Variants in NR2F2 observed in about 807,000 individuals in gnomAD.
NR2F2 encodes nuclear receptor subfamily 2 group F member 2, also known as COUP transcription factor 2.
Under a neutral mutation model 34.8 loss-of-function variants are expected in NR2F2, and 2 were observed. The ratio of observed to expected loss-of-function variants is 0.06; its 90% confidence interval spans 0.02 to 0.18. NR2F2 has a LOEUF of 0.18. Among genes scored for constraint, NR2F2 ranks in the 10% least tolerant of loss-of-function variants. The pLI is 1.00. For synonymous variants in NR2F2, 274 were observed against 251.8 expected (o/e 1.09, Z -0.84); for missense variants, 300 against 580.1 (o/e 0.52, Z 4.96).
chr15:96,328,309 C>T (rs956649564), upstream of NR2F2, among the ~76,000 whole-genome samples: 4 of 152,164 alleles, frequency 2.6e-5, no homozygotes, highest in African/African-American at 9.7e-5. Flanking sequence ...CTTCAAATTC[C>T]AAAAATCTCT....
Position 96,339,017 on chromosome 15 carries a change from G to A in NR2F2, c.*1395G>A, listed in dbSNP as rs1258305649. ...AGCTGAAGTTAATGGTTTATCTATG[G>A]TTTAGGAAGTGCCATACTGATATAG... On this transcript the variant is annotated 3_prime_UTR_variant, in exon 3 of 3. Coordinates refer to ENST00000394166, the MANE Select transcript of NR2F2 (RefSeq NM_021005.4). The A allele has an allele frequency of 6.6e-6, 1 of 151,292 alleles. No homozygotes were observed. The allele number at this position is 151,292 out of a possible 1,614,324, so 9.4% of individuals were successfully genotyped here. A position where few individuals can be genotyped will look rare whatever the true frequency, so the allele number is the denominator to read the frequency against.
In NR2F2 at chr15:96,338,895, T is replaced by TGG. The variant is rs199747859; in HGVS notation, c.*1281_*1282dup. ...GCTTAGCTGGCCGGGCGGGGGGTGG[T>TGG]GGGGGGGGGCATTTGTTTACTCCCC... On this transcript the variant is annotated 3_prime_UTR_variant, in exon 3 of 3. Transcript: ENST00000394166. The TGG allele has an allele frequency of 5.8e-5, 2 of 34,512 alleles. No individual in the cohort carries two copies. The highest frequency in any genetic ancestry group is 1.4e-4 in the African/African-American group (2 of 13,902). 2.1% of individuals were successfully genotyped at this position (34,512 alleles called of 1,614,324 possible).
At chr15:96,328,142 C>A (rs926867729), upstream of NR2F2, among the ~76,000 whole-genome samples, 5 of 151,852 alleles carry the variant, frequency 3.3e-5, no homozygotes, top group African/African-American at 1.2e-4. Context: ...TTTTTTTTCT[C>A]CCTTGTAACA....
chr15:96,331,603 CCAA>C lies in NR2F2; in HGVS notation c.-501_-499del. The C allele has an allele frequency of 9.1e-6, 11 of 1,214,370 alleles. No individual in the cohort carries two copies. The highest frequency in any genetic ancestry group is 1.0e-5 in the Non-Finnish European group (10 of 974,452). The allele number at this position is 1,214,370 out of a possible 1,614,324, so 75.2% of individuals were successfully genotyped here. A position where few individuals can be genotyped will look rare whatever the true frequency, so the allele number is the denominator to read the frequency against. Reference sequence around the variant, plus strand: ...TCCTCCTCCTCCTCCTCCTCCTCCGCCAACTCCTCGGCTGCACACCAGCTCTAA... The same window carrying C: ...TCCTCCTCCTCCTCCTCCTCCTCCGCCTCCTCGGCTGCACACCAGCTCTAA... On this transcript the variant is annotated 5_prime_UTR_variant, in exon 1 of 3. Transcript: ENST00000394166.
rs1567136852 is a variant in NR2F2, at chr15:96,331,025, C to G, written c.-1081C>G. ...CTCCCCCGCCGCCGGCGAGTTGACT[C>G]TTTCCCTATGTGTGTGAGGCGGCGG... is the stretch of plus-strand genomic sequence containing the variant. On this transcript the variant is annotated 5_prime_UTR_variant, in exon 1 of 3. Coordinates refer to ENST00000394166, the MANE Select transcript of NR2F2 (RefSeq NM_021005.4). 8.1e-7 allele frequency: 1 copy of G among 1,228,536 alleles called. No homozygotes were observed. Among genetic ancestry groups the G allele is most frequent in the East Asian group, 3.2e-5 (1 of 31,500 alleles). The allele number at this position is 1,228,536 out of a possible 1,614,324, so 76.1% of individuals were successfully genotyped here. A position where few individuals can be genotyped will look rare whatever the true frequency, so the allele number is the denominator to read the frequency against.
At chr15:96,333,143 T>C (rs1266233558) in intron 1 of NR2F2, 1 of 172,330 alleles carries the variant, frequency 5.8e-6, no homozygotes, top group African/African-American at 2.4e-5. Flanking sequence ...GAGAGCGCGA[T>C]AGGAAGTAGG....
At position 96,334,612 on chromosome 15, in the gene NR2F2, G is replaced by C. The variant is rs1257549688; in HGVS notation, c.970+9G>C. 2 of 1,581,204 alleles carry C rather than the reference G, an allele frequency of 1.3e-6. No individual in the cohort carries two copies. Among genetic ancestry groups the C allele is most frequent in the South Asian group, 2.3e-5 (2 of 88,082 alleles). On this transcript the variant is annotated intron_variant, in intron 2 of 2. Transcript: ENST00000394166. ...AGTCCTGTTCACCTCAGGTAGGAAG[G>C]AGCCCTGTCTTCTCGTGCCCACGGG... is the stretch of plus-strand genomic sequence containing the variant.
chr15:96,337,370 A>G lies in NR2F2; in HGVS notation c.993A>G (p.Val331=), dbSNP rs1422384084. 1 of 1,613,836 alleles carries G rather than the reference A, an allele frequency of 6.2e-7. No homozygotes were observed. Among genetic ancestry groups the G allele is most frequent in the Admixed American group, 1.7e-5 (1 of 60,002 alleles). ...FTSDACGLSD[V]AHVESLQEKS... ...CAGATGCCTGTGGTCTCTCTGATGT[A>G]GCCCATGTGGAAAGCTTGCAGGAAA... Residue 331 remains valine (V), a synonymous_variant, in exon 3 of 3, where the codon GTA becomes GTG. Transcript: ENST00000394166.
intron 1 of NR2F2, among the ~76,000 whole-genome samples, chr15:96,332,825 G>A (rs915507862): frequency 6.6e-6 from 1 of 151,850 alleles, no homozygotes; most frequent in Non-Finnish European, 1.5e-5. Context: ...TGCAAGGGAT[G>A]GGGTGTTTGT....
chr15:96,329,062 G>A (rs192979163), upstream of NR2F2, among the ~76,000 whole-genome samples: 1 of 151,984 alleles, frequency 6.6e-6, no homozygotes, highest in African/African-American at 2.4e-5. Flanking sequence ...TACCAAGGAT[G>A]TTTTCTGTGG....
At chr15:96,328,130 G>A (rs1413952701), upstream of NR2F2, among the ~76,000 whole-genome samples, 1 of 152,132 alleles carries the variant, frequency 6.6e-6, no homozygotes, top group East Asian at 1.9e-4. Flanking sequence ...TTCATACGGT[G>A]ATTTTTTTTC....
upstream of NR2F2, chr15:96,326,356 T>G: frequency 1.2e-6 from 2 of 1,612,024 alleles, no homozygotes; most frequent in Non-Finnish European, 1.7e-6. This position sits in a 1 kb window ranked among gnomAD's most constrained non-coding sequence, Gnocchi z 5.5. Flanking sequence ...GGTTTTGGTA[T>G]GTTTACTTAC....
At chr15:96,330,366 G>C (rs1239397812), upstream of NR2F2, among the ~76,000 whole-genome samples, 1 of 151,612 alleles carries the variant, frequency 6.6e-6, no homozygotes, top group Admixed American at 6.6e-5. Context: ...AGCAGAGGCA[G>C]CGCTCGCAGG....
At position 96,330,936 on chromosome 15, in the gene NR2F2, C is replaced by G. The variant is rs559424716; in HGVS notation, c.-1170C>G. On this transcript the variant is annotated 5_prime_UTR_variant, in exon 1 of 3. Transcript: ENST00000394166. ...TCTTTCTCTCCGTCTTTTTCTCCCC[C>G]CTCTGCGCACGAAGGATGTGCTTCT... 120 of 1,138,230 alleles carry G rather than the reference C, an allele frequency of 1.1e-4. No individual in the cohort carries two copies. In the African/African-American group the frequency reaches 1.5e-3, roughly 14 times the overall value. 70.5% of individuals were successfully genotyped at this position (1,138,230 alleles called of 1,614,324 possible).
At chr15:96,333,541 G>T (rs1268387391) in intron 1 of NR2F2, 63 of 1,007,516 alleles carry the variant, frequency 6.3e-5, no homozygotes, top group Non-Finnish European at 4.3e-5. Context: ...CCAGACCTCC[G>T]CTCTCTGCTT....
chr15:96,329,340 C>T (rs947271399), upstream of NR2F2, among the ~76,000 whole-genome samples: 4 of 152,028 alleles, frequency 2.6e-5, no homozygotes, highest in African/African-American at 4.8e-5. Flanking sequence ...AACCAGACAC[C>T]CTGGAATTCA....
upstream of NR2F2, among the ~76,000 whole-genome samples, chr15:96,329,030 C>A (rs1899060496): frequency 6.6e-6 from 1 of 151,976 alleles, no homozygotes; most frequent in Non-Finnish European, 1.5e-5. Flanking sequence ...AATATCTTTA[C>A]CCTGTCAATT....
At chr15:96,337,210 G>C in intron 2 of NR2F2, 138 bp from the exon 3 acceptor site, 1 of 839,854 alleles carries the variant, frequency 1.2e-6, no homozygotes, top group Non-Finnish European at 1.8e-6. Context: ...AACTCCGGTT[G>C]GGGCAGTTTG....
At chr15:96,336,315 G>GT (rs1899326223) in intron 2 of NR2F2, among the ~76,000 whole-genome samples, 1 of 152,232 alleles carries the variant, frequency 6.6e-6, no homozygotes, top group East Asian at 1.9e-4. Flanking sequence ...GAGGGAAGGA[G>GT]TCCTGTGCAA....
Sources: gnomAD v4.1 joint callset for allele counts (sites outside exome capture counted in the v4.1 genomes callset) on GRCh38, gnomAD v4.1.1 for gene constraint, Gnocchi (gnomAD v3.1) non-coding constraint, MANE v1.5 for transcripts, NCBI Gene and HGNC (gene_info 2026-07-23, HGNC 2026-07-21) for gene names.